The following ABTB3 variants were observed in gnomAD, a reference collection of about 807,000 sequenced individuals.
ABTB3 encodes ankyrin repeat- and BTB/POZ domain-containing protein 3.
the ABTB3 span, among the ~76,000 whole-genome samples, chr12:107,635,859 C>A: frequency 3.6e-5 from 3 of 82,514 alleles, no homozygotes; most frequent in East Asian, 7.9e-4. Flanking sequence ...AACCCCCCCC[C>A]CCCCACCCAC....
At chr12:107,433,159 G>A in the ABTB3 span, among the ~76,000 whole-genome samples, 2 of 151,348 alleles carry the variant, frequency 1.3e-5, no homozygotes, top group East Asian at 2.0e-4. Context: ...GCGCGGTGGC[G>A]GGCGCCTGTA....
the ABTB3 span, among the ~76,000 whole-genome samples, chr12:107,572,072 C>T: frequency 6.6e-6 from 1 of 152,196 alleles, no homozygotes; most frequent in Admixed American, 6.5e-5. Context: ...ACAGTCTTTA[C>T]CTATGTGATT....
chr12:107,483,473 G>GACGC, the ABTB3 span, among the ~76,000 whole-genome samples: 1 of 152,150 alleles, frequency 6.6e-6, no homozygotes, highest in African/African-American at 2.4e-5. Flanking sequence ...TGACATTGCA[G>GACGC]ACGCTCCCTG....
At chr12:107,362,414 A>G in the ABTB3 span, among the ~76,000 whole-genome samples, 1 of 152,238 alleles carries the variant, frequency 6.6e-6, no homozygotes, top group Non-Finnish European at 1.5e-5. Flanking sequence ...GTAAGGGGCT[A>G]ATGCCAGGAA....
At chr12:107,348,217 A>T in the ABTB3 span, among the ~76,000 whole-genome samples, 2 of 152,108 alleles carry the variant, frequency 1.3e-5, no homozygotes, top group South Asian at 4.1e-4. Flanking sequence ...ATGCATATGT[A>T]TGTATTTACA....
chr12:107,563,486 T>G, the ABTB3 span, among the ~76,000 whole-genome samples: 1 of 152,174 alleles, frequency 6.6e-6, no homozygotes, highest in African/African-American at 2.4e-5. Flanking sequence ...TGAGCAGTGA[T>G]AAGTGCTACT....
At chr12:107,459,343 T>C in the ABTB3 span, among the ~76,000 whole-genome samples, 4 of 152,180 alleles carry the variant, frequency 2.6e-5, no homozygotes, top group Admixed American at 2.6e-4. Context: ...GATTGATTGA[T>C]TCAACAAGTA....
At chr12:107,613,088 C>T in the ABTB3 span, among the ~76,000 whole-genome samples, 1 of 152,206 alleles carries the variant, frequency 6.6e-6, no homozygotes, top group East Asian at 1.9e-4. Context: ...CAAGGAGCTG[C>T]CTGCATGTAT....
At chr12:107,579,099 G>A in the ABTB3 span, among the ~76,000 whole-genome samples, 1 of 152,198 alleles carries the variant, frequency 6.6e-6, no homozygotes, top group Non-Finnish European at 1.5e-5. Flanking sequence ...ATTCAAGTGA[G>A]GTAAAGTCAG....
the ABTB3 span, among the ~76,000 whole-genome samples, chr12:107,629,809 A>G: frequency 0.13 from 19,804 of 152,178 alleles, 1,788 homozygotes; most frequent in African/African-American, 0.25. Context: ...AGAATGGAGC[A>G]AGCCTCAAGT....
At chr12:107,343,100 G>A in the ABTB3 span, among the ~76,000 whole-genome samples, 13 of 152,090 alleles carry the variant, frequency 8.5e-5, no homozygotes, top group South Asian at 6.2e-4. Context: ...CTGCAGCCTC[G>A]ACCCCCCAGG....
At chr12:107,537,072 T>G in the ABTB3 span, among the ~76,000 whole-genome samples, 1 of 152,164 alleles carries the variant, frequency 6.6e-6, no homozygotes, top group Admixed American at 6.5e-5. Flanking sequence ...CTGTCATTTA[T>G]GGCGACATGG....
At chr12:107,643,427 G>C in the ABTB3 span, among the ~76,000 whole-genome samples, 2 of 126,636 alleles carry the variant, frequency 1.6e-5, no homozygotes, top group African/African-American at 5.7e-5. Flanking sequence ...AAAAAAAAAA[G>C]GTTTCCAAAG....
the ABTB3 span, among the ~76,000 whole-genome samples, chr12:107,373,629 T>A: frequency 6.6e-6 from 1 of 152,128 alleles, no homozygotes; most frequent in Admixed American, 6.5e-5. Flanking sequence ...AGCATATTCA[T>A]CCCACATCCC....
At chr12:107,455,297 G>A in the ABTB3 span, among the ~76,000 whole-genome samples, 1 of 152,148 alleles carries the variant, frequency 6.6e-6, no homozygotes, top group Non-Finnish European at 1.5e-5. Flanking sequence ...TTTAACATCT[G>A]CATTTGTCTC....
At chr12:107,387,143 A>G in the ABTB3 span, among the ~76,000 whole-genome samples, 1 of 151,756 alleles carries the variant, frequency 6.6e-6, no homozygotes, top group Non-Finnish European at 1.5e-5. Context: ...ACGCCCAGCT[A>G]ATTTTTGTAT....
the ABTB3 span, chr12:107,544,123 A>T: frequency 6.2e-7 from 1 of 1,614,018 alleles, no homozygotes; most frequent in Non-Finnish European, 8.5e-7. Flanking sequence ...TTCCAAAGTC[A>T]ACCTCCAGGT....
At chr12:107,379,742 C>T in the ABTB3 span, among the ~76,000 whole-genome samples, 1 of 152,168 alleles carries the variant, frequency 6.6e-6, no homozygotes, top group Non-Finnish European at 1.5e-5. Flanking sequence ...CAGTTGGAAA[C>T]AGAGAGATGA....
chr12:107,418,075 T>C, the ABTB3 span, among the ~76,000 whole-genome samples: 1 of 152,230 alleles, frequency 6.6e-6, no homozygotes, highest in Non-Finnish European at 1.5e-5. Flanking sequence ...TGATCCTGAG[T>C]GTGTCTGTGA....
Sources: gnomAD v4.1 joint callset for allele counts (sites outside exome capture counted in the v4.1 genomes callset) on GRCh38, gnomAD v4.1.1 for gene constraint, MANE v1.5 for transcripts, NCBI Gene and HGNC (gene_info 2026-07-23, HGNC 2026-07-21) for gene names.